The following NOL4 variants were observed in gnomAD, a reference collection of about 807,000 sequenced individuals.
The protein encoded by NOL4 is cancer/testis antigen 125.
NOL4 carries 17 observed loss-of-function variants against 75.9 expected under a neutral mutation model. The ratio of observed to expected loss-of-function variants is 0.22; its 90% CI spans 0.15 to 0.34. NOL4 has a LOEUF of 0.34. Among genes scored for constraint, NOL4 ranks in the 10% least tolerant of loss-of-function variants. The pLI is 1.00. For synonymous variants in NOL4, 292 were observed against 289.9 expected, an observed-to-expected ratio of 1.01 and a Z score of -0.07; for missense variants, 614 against 793.5, an observed-to-expected ratio of 0.77 and a Z score of 2.72.
At chr18:34,140,094 T>G (rs1413114391) in intron 1 of NOL4, among the ~76,000 whole-genome samples, 1 of 152,200 alleles carries the variant, frequency 6.6e-6, no homozygotes, top group Non-Finnish European at 1.5e-5. Flanking sequence ...GTGCTTTACT[T>G]CCAACTATGT....
chr18:34,032,678 C>T (rs2075698599), intron 5 of NOL4, among the ~76,000 whole-genome samples: 1 of 152,026 alleles, frequency 6.6e-6, no homozygotes, highest in Non-Finnish European at 1.5e-5. Context: ...TCTAGCTGTC[C>T]AGGGACCTGA....
At chr18:34,090,640 A>G (rs762169917) in intron 5 of NOL4, among the ~76,000 whole-genome samples, 4 of 152,032 alleles carry the variant, frequency 2.6e-5, no homozygotes, top group Non-Finnish European at 5.9e-5. Context: ...TGAATGAGAC[A>G]GAAATGGCAC....
At chr18:34,041,507 A>T (rs1481499665) in intron 5 of NOL4, among the ~76,000 whole-genome samples, 1 of 127,722 alleles carries the variant, frequency 7.8e-6, no homozygotes, top group Admixed American at 9.0e-5. Flanking sequence ...CTTATTAGCT[A>T]AAATGAAAAA....
Position 34,093,516 on chromosome 18 carries a change from T to A in NOL4, c.721A>T (p.Asn241Tyr). 1 of 1,608,586 alleles carries A rather than the reference T, an allele frequency of 6.2e-7. No individual in the cohort carries two copies. The highest frequency in any genetic ancestry group is 8.5e-7 in the Non-Finnish European group (1 of 1,176,610). The change falls in exon 5 of 11, where the codon AAT (asparagine) becomes TAT (tyrosine). Residue 241 changes from asparagine to tyrosine, a missense_variant. Coordinates refer to ENST00000261592, the MANE Select transcript of NOL4 (RefSeq NM_003787.5). ...GGACTTTGCATTCTTTCTTCAAGATTGGAGCTAAGATCAGAGTTCACAGCT... is the reference window on the plus strand; with the variant it reads ...GGACTTTGCATTCTTTCTTCAAGATAGGAGCTAAGATCAGAGTTCACAGCT... The part of the protein sequence containing the change: ...MSAVNSDLSS[N>Y]LEERMQSPQN...
chr18:34,169,301 T>G (rs1464854934), intron 1 of NOL4, among the ~76,000 whole-genome samples: 1 of 151,892 alleles, frequency 6.6e-6, no homozygotes, highest in Non-Finnish European at 1.5e-5. Context: ...ATAGAAGTAT[T>G]CTAAGCTCCT....
intron 6 of NOL4, among the ~76,000 whole-genome samples, chr18:33,966,119 G>A (rs2070563126): frequency 2.0e-5 from 3 of 151,988 alleles, no homozygotes; most frequent in Non-Finnish European, 1.5e-5. Flanking sequence ...CATGTTTAGA[G>A]CATTGTTTTA....
chr18:33,930,940 A>G (rs889647169), intron 9 of NOL4, among the ~76,000 whole-genome samples: 2 of 152,208 alleles, frequency 1.3e-5, no homozygotes, highest in African/African-American at 4.8e-5. Context: ...TGATATTGCC[A>G]TTGATACTTA....
chr18:34,213,874 T>C (rs943102580), intron 1 of NOL4, among the ~76,000 whole-genome samples: 1 of 152,204 alleles, frequency 6.6e-6, no homozygotes, highest in Non-Finnish European at 1.5e-5. Context: ...ATTTAGAATA[T>C]TGCATTCAAG....
At position 33,875,529 on chromosome 18, in the gene NOL4, TA is replaced by T. The variant is rs2063893346; in HGVS notation, c.1723+7714del. Among the ~76,000 whole-genome samples, 3 of 151,976 alleles carry T rather than the reference TA, an allele frequency of 2.0e-5. No homozygotes were observed. In the South Asian group the frequency reaches 6.2e-4, roughly 32 times the overall value. Reference sequence around the variant, plus strand: ...ATCGGGCAAGATTTTCTATTGCTATTAAACAGGAGTTTATAAAACTCTAAAA... The same window carrying T: ...ATCGGGCAAGATTTTCTATTGCTATTAACAGGAGTTTATAAAACTCTAAAA... On this transcript the variant is annotated intron_variant, in intron 10 of 10. Coordinates refer to ENST00000261592, the MANE Select transcript of NOL4 (RefSeq NM_003787.5).
chr18:34,163,463 C>A (rs1270919899), intron 1 of NOL4, among the ~76,000 whole-genome samples: 1 of 151,756 alleles, frequency 6.6e-6, no homozygotes, highest in Non-Finnish European at 1.5e-5. Flanking sequence ...AAACAGAGAG[C>A]CAAATCATGA....
At chr18:34,123,420 T>C (rs1266804692) in intron 2 of NOL4, among the ~76,000 whole-genome samples, 1 of 150,882 alleles carries the variant, frequency 6.6e-6, no homozygotes, top group Non-Finnish European at 1.5e-5. Flanking sequence ...CCTATATATG[T>C]TTGTGTGGAT....
intron 5 of NOL4, among the ~76,000 whole-genome samples, chr18:34,020,527 T>C (rs186312930): frequency 5.9e-5 from 9 of 152,340 alleles, no homozygotes; most frequent in Non-Finnish European, 1.2e-4. Flanking sequence ...AGTTTAATCA[T>C]TGTGTGTATC....
At chr18:34,009,705 G>C (rs2074261310) in intron 6 of NOL4, among the ~76,000 whole-genome samples, 1 of 151,830 alleles carries the variant, frequency 6.6e-6, no homozygotes, top group African/African-American at 2.4e-5. Context: ...AGTAGCTGGG[G>C]GTCTCAGCAT....
intron 5 of NOL4, among the ~76,000 whole-genome samples, chr18:34,068,498 C>G (rs1409704718): frequency 6.6e-6 from 1 of 152,084 alleles, no homozygotes; most frequent in Non-Finnish European, 1.5e-5. Context: ...CTCCCTGGTT[C>G]TAGCAATTCT....
intron 8 of NOL4, 124 bp downstream of exon 8, chr18:33,957,202 C>G (rs1328610288): frequency 1.5e-6 from 1 of 684,732 alleles, no homozygotes; most frequent in East Asian, 2.8e-5. Flanking sequence ...GCAAACAAAA[C>G]CCCCTTTGAC....
At chr18:34,170,524 C>G (rs1600788293) in intron 1 of NOL4, among the ~76,000 whole-genome samples, 4 of 152,088 alleles carry the variant, frequency 2.6e-5, no homozygotes, top group Admixed American at 6.5e-5. Flanking sequence ...AGTAAAATAC[C>G]TCCCTTCATA....
At chr18:33,983,388 C>A (rs1201323109) in intron 6 of NOL4, among the ~76,000 whole-genome samples, 1 of 148,200 alleles carries the variant, frequency 6.7e-6, no homozygotes, top group Non-Finnish European at 1.5e-5. Context: ...ATGTACCATT[C>A]TGGTGAGGGA....
At chr18:34,208,763 G>A (rs923470785) in intron 1 of NOL4, among the ~76,000 whole-genome samples, 2 of 152,150 alleles carry the variant, frequency 1.3e-5, no homozygotes, top group African/African-American at 4.8e-5. Flanking sequence ...TTGGGAGGCT[G>A]AGGCAGGAGA....
intron 10 of NOL4, among the ~76,000 whole-genome samples, chr18:33,859,932 A>G (rs921126462): frequency 5.9e-5 from 9 of 152,158 alleles, no homozygotes; most frequent in South Asian, 2.1e-4. Flanking sequence ...ATAAATAAAT[A>G]AAATGAAAAT....
Sources: gnomAD v4.1 joint callset for allele counts (sites outside exome capture counted in the v4.1 genomes callset) on GRCh38, gnomAD v4.1.1 for gene constraint, MANE v1.5 for transcripts, NCBI Gene and HGNC (gene_info 2026-07-23, HGNC 2026-07-21) for gene names.